DNAH5: variants seen among roughly 807,000 people sequenced by gnomAD.
DNAH5 encodes the protein axonemal beta dynein heavy chain 5.
DNAH5 carries 372 observed loss-of-function variants against 518.2 expected under a neutral mutation model. The ratio of observed to expected loss-of-function variants is 0.72; its 90% confidence interval spans 0.66 to 0.78. The LOEUF is 0.78. Ranked by LOEUF, DNAH5 falls within the 30% of genes least tolerant of loss-of-function variation. The pLI is 0.00. For synonymous variants in DNAH5, 2,039 were observed against 2,025.9 expected (o/e 1.01, Z -0.17); for missense variants, 5,523 against 5,687.0 (o/e 0.97, Z 0.93).
At chr5:13,828,097 C>T (rs1763141164) in intron 38 of DNAH5, among the ~76,000 whole-genome samples, 1 of 152,146 alleles carries the variant, frequency 6.6e-6, no homozygotes, top group African/African-American at 2.4e-5. Flanking sequence ...AGTAAGGGCT[C>T]CAATAAGCAG....
rs138821261 is a variant in DNAH5 at position 13,768,392 on chromosome 5, G to A, written c.9897+568C>T. Among the ~76,000 whole-genome samples the A allele has an allele frequency of 2.0e-4, 31 of 152,216 alleles. No individual in the cohort carries two copies. The East Asian group carries it at 3.7e-3, about 18-fold the overall frequency. On this transcript the variant is annotated intron_variant, in intron 58 of 78. Transcript: ENST00000265104. ...TTTCCTGAGGCCTCCCCAGCCATGC[G>A]GAACTCTGAGTCAATTAAACGTCTT... is the stretch of plus-strand genomic sequence containing the variant.
At chr5:13,693,063 C>G (rs1164525959) in intron 78 of DNAH5, among the ~76,000 whole-genome samples, 1 of 152,292 alleles carries the variant, frequency 6.6e-6, no homozygotes, top group Non-Finnish European at 1.5e-5. Context: ...CTGCACATCT[C>G]CTAACATGCA....
At position 13,914,486 on chromosome 5, in the gene DNAH5, G is replaced by GTC. The variant is rs760278991; in HGVS notation, c.1320+33_1320+34insGA. ...GGTCTCAACAAAAATAAGATAAAAA[G>GTC]AATAGAACATCTAAATACTAAACTG... On this transcript the variant is annotated intron_variant, in intron 10 of 78. Transcript: ENST00000265104. 1.9e-6 allele frequency: 3 copies of GTC among 1,606,420 alleles called. No individual in the cohort carries two copies. The African/African-American group carries it at 4.0e-5, about 22-fold the overall frequency.
chr5:13,736,050 C>T (rs1747362196), intron 66 of DNAH5, 118 bp from the exon 67 acceptor site: 2 of 767,922 alleles, frequency 2.6e-6, no homozygotes, highest in Non-Finnish European at 4.7e-6. Context: ...GCAGTGGCTG[C>T]CTACCAGATA....
chr5:13,903,879 T>C (rs923023130), intron 12 of DNAH5, among the ~76,000 whole-genome samples: 5 of 152,052 alleles, frequency 3.3e-5, no homozygotes, highest in Non-Finnish European at 7.4e-5. Context: ...TTAAGAATGA[T>C]AATGAACCCA....
At chr5:13,862,131 C>A (rs1379480229) in intron 29 of DNAH5, among the ~76,000 whole-genome samples, 3 of 151,914 alleles carry the variant, frequency 2.0e-5, no homozygotes, top group African/African-American at 4.8e-5. Context: ...GATTCTACAG[C>A]CTGTAGAGCT....
chr5:13,875,465 CAAAAAA>C (rs70964513), intron 22 of DNAH5, among the ~76,000 whole-genome samples: 17 of 106,002 alleles, frequency 1.6e-4, no homozygotes, highest in African/African-American at 5.3e-4. Context: ...GAAACTCCTT[CAAAAAA>C]AAAAAAAAAA....
intron 47 of DNAH5, 42 bp from the exon 48 acceptor site, chr5:13,794,100 C>T (rs1487721308): frequency 3.1e-6 from 5 of 1,613,050 alleles, no homozygotes; most frequent in Non-Finnish European, 8.5e-7. Flanking sequence ...GAAAATATCC[C>T]CTAAAACCTG....
rs563711244 is a variant in DNAH5, at chr5:13,863,873, G to T, written c.4596+524C>A. 7.2e-5 allele frequency among the ~76,000 whole-genome samples: 11 copies of T among 152,228 alleles called. No individual in the cohort carries two copies. The East Asian group carries it at 1.7e-3, about 24-fold the overall frequency. ...CCCTGGCCTCTGCTGTCTCCTCTCT[G>T]CCCTGCCTCCACGCCTCAGCCACAT... is the stretch of plus-strand genomic sequence containing the variant. On this transcript the variant is annotated intron_variant, in intron 28 of 78. Transcript: ENST00000265104.
At chr5:13,947,746 G>A (rs1780043468), upstream of DNAH5, among the ~76,000 whole-genome samples, 1 of 152,092 alleles carries the variant, frequency 6.6e-6, no homozygotes, top group Admixed American at 6.5e-5. Flanking sequence ...ATGTCTTACT[G>A]AGGCCCAACA....
At chr5:13,734,900 C>A (rs1237709708) in intron 68 of DNAH5, among the ~76,000 whole-genome samples, 1 of 151,914 alleles carries the variant, frequency 6.6e-6, no homozygotes, top group Admixed American at 6.6e-5. Context: ...ATATGCTTTT[C>A]AAGGGTTTTT....
rs113559402 is a variant in DNAH5 at position 14,008,173 on chromosome 5, GA to G, written c.12+3474del. ...GGCGATAGAGCGAGAATCCGTCTTA[GA>G]AAAAAAAAAAAAGAAAGAAAGAAAG... On this transcript the variant is annotated intron_variant, in intron 1 of 78. Coordinates refer to the DNAH5 transcript ENST00000681290. Among the ~76,000 whole-genome samples, 236 of 73,582 alleles carry G rather than the reference GA, an allele frequency of 3.2e-3. 4 individuals are homozygous for G. The highest frequency in any genetic ancestry group is 6.6e-3 in the African/African-American group (144 of 21,748). 48.3% of individuals were successfully genotyped at this position (73,582 alleles called of 152,430 possible).
rs1206342985 is a variant in DNAH5 at position 13,722,795 on chromosome 5, A to T, written c.12034-1550T>A. Among the ~76,000 whole-genome samples, 3 of 152,328 alleles carry T rather than the reference A, an allele frequency of 2.0e-5. 1 individual carries two copies. In the South Asian group the frequency reaches 6.2e-4, roughly 32 times the overall value. Reference sequence around the variant, plus strand: ...TTCTTCTAAAGTCATAATCCTCCTCATAATGTCCATTCCCCCATACCAATG... The same window carrying T: ...TTCTTCTAAAGTCATAATCCTCCTCTTAATGTCCATTCCCCCATACCAATG... On this transcript the variant is annotated intron_variant, in intron 70 of 78. Coordinates refer to ENST00000265104, the MANE Select transcript of DNAH5 (RefSeq NM_001369.3).
At chr5:13,864,329 CAT>C in intron 28 of DNAH5, 66 bp downstream of exon 28, 6 of 1,592,806 alleles carry the variant, frequency 3.8e-6, no homozygotes, top group African/African-American at 1.3e-5. Context: ...TCCAATATTC[CAT>C]AATATAGAAA....
intron 74 of DNAH5, 90 bp downstream of exon 74, chr5:13,716,397 G>T: frequency 1.1e-6 from 1 of 909,430 alleles, no homozygotes; most frequent in Non-Finnish European, 1.8e-6. Context: ...AAAATGTATT[G>T]TAAAAGCAAT....
At chr5:13,746,787 T>G (rs1749403568) in intron 65 of DNAH5, among the ~76,000 whole-genome samples, 1 of 152,116 alleles carries the variant, frequency 6.6e-6, no homozygotes, top group Non-Finnish European at 1.5e-5. Flanking sequence ...TACCCTTGGC[T>G]CATTTTTTTT....
intron 56 of DNAH5, among the ~76,000 whole-genome samples, chr5:13,770,398 G>T (rs1047175088): frequency 6.6e-6 from 1 of 152,132 alleles, no homozygotes; most frequent in African/African-American, 2.4e-5. Context: ...TTTCTATCCT[G>T]ATGTCAATCA....
chr5:13,849,040 C>T (rs1265582470), intron 31 of DNAH5, among the ~76,000 whole-genome samples: 3 of 152,306 alleles, frequency 2.0e-5, no homozygotes, highest in South Asian at 2.1e-4. Flanking sequence ...CAACCATGTA[C>T]GCATGGTTTT....
chr5:13,936,765 T>A (rs1377054402), intron 1 of DNAH5, among the ~76,000 whole-genome samples: 2 of 152,184 alleles, frequency 1.3e-5, no homozygotes, highest in Non-Finnish European at 1.5e-5. Context: ...TACAAATGTT[T>A]AAGCTTCCTA....
Sources: gnomAD v4.1 joint callset for allele counts (sites outside exome capture counted in the v4.1 genomes callset) on GRCh38, gnomAD v4.1.1 for gene constraint, MANE v1.5 for transcripts, NCBI Gene and HGNC (gene_info 2026-07-23, HGNC 2026-07-21) for gene names.